The following BCL2 variants were observed in gnomAD, a reference collection of about 807,000 sequenced individuals.
BCL2 encodes apoptosis regulator Bcl-2.
BCL2 carries 1 observed loss-of-function variant against 14.2 expected under a neutral mutation model. The observed-to-expected ratio is 0.07, with a 90% CI of 0.02 to 0.33. The LOEUF is 0.33. Ranked by LOEUF, BCL2 falls within the 10% of genes least tolerant of loss-of-function variation. The pLI is 0.99. For missense variants in BCL2, 247 were observed against 305.9 expected, an observed-to-expected ratio of 0.81 and a Z score of 1.44; for synonymous variants, 151 against 137.2, an observed-to-expected ratio of 1.10 and a Z score of -0.70.
At chr18:63,295,878 G>A (rs1467691031) in intron 2 of BCL2, among the ~76,000 whole-genome samples, 1 of 152,118 alleles carries the variant, frequency 6.6e-6, no homozygotes, top group Non-Finnish European at 1.5e-5. Context: ...TCTGACAGGT[G>A]GGATCCACCA....
At chr18:63,133,757 GGAGACCT>G (rs1350647985) in intron 2 of BCL2, among the ~76,000 whole-genome samples, 2 of 152,150 alleles carry the variant, frequency 1.3e-5, no homozygotes, top group Non-Finnish European at 2.9e-5. Flanking sequence ...AGGTAAACAT[GGAGACCT>G]TTTGAATTTG....
chr18:63,284,959 A>G (rs1434538918), intron 2 of BCL2, among the ~76,000 whole-genome samples: 1 of 152,176 alleles, frequency 6.6e-6, no homozygotes, highest in East Asian at 1.9e-4. Flanking sequence ...CGCCAGGAAA[A>G]AAATGGAAAG....
chr18:63,187,404 C>G (rs779353101), intron 2 of BCL2, among the ~76,000 whole-genome samples: 2 of 152,166 alleles, frequency 1.3e-5, no homozygotes, highest in African/African-American at 4.8e-5. Flanking sequence ...GCCCTTTTAT[C>G]TCTCCCTTAT....
At position 63,201,763 on chromosome 18, in the gene BCL2, T is replaced by C. The variant is rs370105363; in HGVS notation, c.586-73004A>G. Among the ~76,000 whole-genome samples, 196 of 151,966 alleles carry C rather than the reference T, an allele frequency of 1.3e-3. 2 individuals carry two copies. The highest frequency in any genetic ancestry group is 4.7e-3 in the African/African-American group (194 of 41,418). The stretch of plus-strand genomic sequence containing the variant: ...AACACCACATGTTCTCACTCGTAAG[T>C]AGGAGTTGAACAATGAGAACAACAT... On this transcript the variant is annotated intron_variant, in intron 2 of 2. Coordinates refer to ENST00000333681, the MANE Select transcript of BCL2 (RefSeq NM_000633.3).
intron 2 of BCL2, among the ~76,000 whole-genome samples, chr18:63,276,702 G>A (rs141600830): frequency 2.0e-5 from 3 of 152,304 alleles, no homozygotes; most frequent in Non-Finnish European, 4.4e-5. Flanking sequence ...TCATTTGAGT[G>A]GCCAATATAA....
At chr18:63,133,319 A>ATTCT (rs1914120974) in intron 2 of BCL2, among the ~76,000 whole-genome samples, 1 of 103,372 alleles carries the variant, frequency 9.7e-6, no homozygotes, top group Admixed American at 1.1e-4. Context: ...ACCTTCAAGA[A>ATTCT]TTTTTTTTTT....
At chr18:63,132,108 C>A (rs1914083907) in intron 2 of BCL2, among the ~76,000 whole-genome samples, 1 of 152,218 alleles carries the variant, frequency 6.6e-6, no homozygotes. Flanking sequence ...GATGCTGTTG[C>A]CATCCCAGGG....
chr18:63,212,863 G>A (rs374391732), intron 2 of BCL2, among the ~76,000 whole-genome samples: 20 of 135,096 alleles, frequency 1.5e-4, no homozygotes, highest in Admixed American at 3.9e-4. Flanking sequence ...GCAACGGAGC[G>A]AGACTCTGTC....
At chr18:63,249,211 C>A (rs1233868999) in intron 2 of BCL2, among the ~76,000 whole-genome samples, 4 of 152,168 alleles carry the variant, frequency 2.6e-5, no homozygotes, top group Admixed American at 6.5e-5. Context: ...GGAACATTAC[C>A]TCAAAATAGT....
chr18:63,293,189 A>G (rs1912702817), intron 2 of BCL2, among the ~76,000 whole-genome samples: 1 of 152,218 alleles, frequency 6.6e-6, no homozygotes, highest in South Asian at 2.1e-4. Context: ...TGGGAAAACA[A>G]GGTTTAGTAA....
At chr18:63,241,171 T>A (rs1304935858) in intron 2 of BCL2, among the ~76,000 whole-genome samples, 2 of 152,264 alleles carry the variant, frequency 1.3e-5, no homozygotes, top group Non-Finnish European at 2.9e-5. Flanking sequence ...CATAGCTTTC[T>A]AACTCCCGGT....
At chr18:63,196,238 G>A (rs558136471) in intron 2 of BCL2, among the ~76,000 whole-genome samples, 5 of 152,256 alleles carry the variant, frequency 3.3e-5, no homozygotes, top group African/African-American at 1.2e-4. Flanking sequence ...AATCACTTGA[G>A]AAATATTTCA....
In BCL2 at chr18:63,149,178, T is replaced by C. The variant is rs1257564238; in HGVS notation, c.586-20419A>G. ...ACCTTTTTGGCACCAGGGACGTGTT[T>C]TGTGGAGGACAATTTTTCCACGAAT... is the stretch of plus-strand genomic sequence containing the variant. On this transcript the variant is annotated intron_variant, in intron 2 of 2. Transcript: ENST00000333681. The surrounding 1 kb of genome is among the most constrained non-coding windows in gnomAD (Gnocchi z 4.2). 6.6e-6 allele frequency among the ~76,000 whole-genome samples: 1 copy of C among 152,252 alleles called. No individual in the cohort carries two copies.
At chr18:63,236,581 A>G (rs1266679823) in intron 2 of BCL2, among the ~76,000 whole-genome samples, 3 of 152,230 alleles carry the variant, frequency 2.0e-5, no homozygotes, top group African/African-American at 7.2e-5. Flanking sequence ...CCACAGTTTG[A>G]GGAACACAAT....
intron 2 of BCL2, among the ~76,000 whole-genome samples, chr18:63,169,389 T>TTCTTTCTTTCTTTCTCTTTC (rs1218834455): frequency 2.5e-5 from 1 of 40,768 alleles, no homozygotes; most frequent in African/African-American, 1.1e-4. Flanking sequence ...CTTTCTTTCT[T>TTCTTTCTTTCTTTCTCTTTC]TTTCTTTCTT....
chr18:63,265,040 C>T (rs753529760), intron 2 of BCL2, among the ~76,000 whole-genome samples: 14 of 152,290 alleles, frequency 9.2e-5, no homozygotes, highest in African/African-American at 2.9e-4. Flanking sequence ...AGAACAGCTG[C>T]GTGGCAAGTG....
chr18:63,164,011 C>T (rs933859567), intron 2 of BCL2, among the ~76,000 whole-genome samples: 1 of 152,172 alleles, frequency 6.6e-6, no homozygotes, highest in Non-Finnish European at 1.5e-5. Context: ...GTTATGTGTA[C>T]TAAATCCATC....
intron 2 of BCL2, among the ~76,000 whole-genome samples, chr18:63,296,738 A>G (rs982195729): frequency 1.3e-5 from 2 of 152,230 alleles, no homozygotes; most frequent in African/African-American, 4.8e-5. Flanking sequence ...TGACAATGGG[A>G]GCCACAAGAA....
At chr18:63,168,635 G>A (rs1399394220) in intron 2 of BCL2, among the ~76,000 whole-genome samples, 1 of 152,204 alleles carries the variant, frequency 6.6e-6, no homozygotes, top group Non-Finnish European at 1.5e-5. Context: ...ATGCTATGTG[G>A]CTAGCATTTT....
Sources: gnomAD v4.1 joint callset for allele counts (sites outside exome capture counted in the v4.1 genomes callset) on GRCh38, gnomAD v4.1.1 for gene constraint, Gnocchi (gnomAD v3.1) non-coding constraint, MANE v1.5 for transcripts, NCBI Gene and HGNC (gene_info 2026-07-23, HGNC 2026-07-21) for gene names.